The following LRRN1 variants were observed in gnomAD, a reference collection of about 807,000 sequenced individuals.
LRRN1 encodes leucine-rich repeat neuronal protein 1.
LRRN1 carries 14 observed loss-of-function variants against 45.8 expected under a neutral mutation model. That is an observed-to-expected ratio of 0.31 (90% confidence interval 0.20 to 0.48). The LOEUF (loss-of-function observed/expected upper bound fraction) is 0.48, where lower values mean the gene tolerates loss of function less well. LRRN1 is among the 20% of genes least tolerant of loss of function. The pLI is 0.99. For synonymous variants in LRRN1, 359 were observed against 330.1 expected, an observed-to-expected ratio of 1.09 and a Z score of -0.95; for missense variants, 789 against 874.2, an observed-to-expected ratio of 0.90 and a Z score of 1.23.
chr3:3,842,798 C>G (rs1429100264), intron 1 of LRRN1, among the ~76,000 whole-genome samples: 1 of 152,118 alleles, frequency 6.6e-6, no homozygotes, highest in Non-Finnish European at 1.5e-5. Context: ...AAGTGAATGG[C>G]CCAGTTTGGG....
intron 1 of LRRN1, among the ~76,000 whole-genome samples, chr3:3,838,658 T>C (rs1255169920): frequency 6.6e-6 from 1 of 152,180 alleles, no homozygotes; most frequent in Non-Finnish European, 1.5e-5. Context: ...TGAACAAGGG[T>C]TACAATTTCT....
chr3:3,815,964 T>C (rs1034406104), intron 1 of LRRN1, among the ~76,000 whole-genome samples: 64 of 152,164 alleles, frequency 4.2e-4, no homozygotes, highest in Non-Finnish European at 8.5e-4. Flanking sequence ...TATTGAAAGT[T>C]CAAAATGCAA....
At chr3:3,827,594 T>C (rs1476428118) in intron 1 of LRRN1, 2 of 439,030 alleles carry the variant, frequency 4.6e-6, no homozygotes, top group Non-Finnish European at 9.3e-6. Context: ...GGAAGCAAAT[T>C]TGAATCCTGC....
chr3:3,814,274 A>T lies in LRRN1; in HGVS notation c.-279+14355A>T, dbSNP rs1692942059. On this transcript the variant is annotated intron_variant, in intron 1 of 1. Coordinates refer to ENST00000319331, the MANE Select transcript of LRRN1 (RefSeq NM_020873.7). ...CTGATCCCATAGTTCCCCTGTAAAG[A>T]GGCATTAAATGGTCCCCCTGGCTAT... Among the ~76,000 whole-genome samples the T allele has an allele frequency of 2.0e-5, 3 of 149,996 alleles. No homozygotes were observed. The South Asian group carries it at 6.5e-4, about 32-fold the overall frequency.
In LRRN1 at chr3:3,845,715, A is replaced by G. The variant is rs1381304956; in HGVS notation, c.1074A>G (p.Glu358=). The change falls in exon 2 of 2, where the codon GAA becomes GAG. Residue 358 remains glutamate (E), a synonymous_variant. Coordinates refer to ENST00000319331, the MANE Select transcript of LRRN1 (RefSeq NM_020873.7). This position sits in a 1 kb window ranked among gnomAD's most constrained non-coding sequence, Gnocchi z 6.5. Reference sequence around the variant, plus strand: ...ATGCCATTTACCAAAAGACAGTCGAATCCCTCCCCAATCTGCGTGAGATCA... The same window carrying G: ...ATGCCATTTACCAAAAGACAGTCGAGTCCCTCCCCAATCTGCGTGAGATCA... ...ALNAIYQKTV[E]SLPNLREISI... is the part of the protein sequence containing the mutation. The G allele has an allele frequency of 6.2e-7, 1 of 1,614,050 alleles. No individual in the cohort carries two copies. Among genetic ancestry groups the G allele is most frequent in the Non-Finnish European group, 8.5e-7 (1 of 1,180,018 alleles).
intron 1 of LRRN1, among the ~76,000 whole-genome samples, chr3:3,837,008 A>G (rs1693534647): frequency 6.6e-6 from 1 of 152,110 alleles, no homozygotes; most frequent in South Asian, 2.1e-4. Context: ...TCCTGCACCC[A>G]TGGGAAGGAG....
chr3:3,843,576 C>A (rs187259860), intron 1 of LRRN1, among the ~76,000 whole-genome samples: 239 of 151,670 alleles, frequency 1.6e-3, no homozygotes, highest in African/African-American at 5.3e-3. Context: ...TGTACCCCCC[C>A]CCATACCCCT....
Position 3,799,553 on chromosome 3 carries a change from G to C in LRRN1, c.-645G>C, listed in dbSNP as rs956504379. ...AGGGGCCGACGGCGTCAGCCCGGGCGGCGGCATCCCTAGGCGCCTGGGGCG... is the reference window on the plus strand; with the variant it reads ...AGGGGCCGACGGCGTCAGCCCGGGCCGCGGCATCCCTAGGCGCCTGGGGCG... On this transcript the variant is annotated 5_prime_UTR_variant, in exon 1 of 2. Coordinates refer to ENST00000319331, the MANE Select transcript of LRRN1 (RefSeq NM_020873.7). 1.3e-5 allele frequency: 2 copies of C among 152,056 alleles called. No individual in the cohort carries two copies. The highest frequency in any genetic ancestry group is 2.9e-5 in the Non-Finnish European group (2 of 68,002). The allele number at this position is 152,056 out of a possible 1,614,324, so 9.4% of individuals were successfully genotyped here.
At chr3:3,824,478 A>G (rs1693173498) in intron 1 of LRRN1, among the ~76,000 whole-genome samples, 1 of 152,168 alleles carries the variant, frequency 6.6e-6, no homozygotes, top group African/African-American at 2.4e-5. Flanking sequence ...GATCAACATT[A>G]CAATCAATTT....
At chr3:3,839,848 A>G (rs961111438) in intron 1 of LRRN1, among the ~76,000 whole-genome samples, 1 of 152,108 alleles carries the variant, frequency 6.6e-6, no homozygotes, top group African/African-American at 2.4e-5. Flanking sequence ...CAAATTTGCT[A>G]ACATCATTTA....
chr3:3,849,137 T>C lies in LRRN1; in HGVS notation c.*2345T>C, dbSNP rs1693838246. On this transcript the variant is annotated 3_prime_UTR_variant, in exon 2 of 2. Coordinates refer to ENST00000319331, the MANE Select transcript of LRRN1 (RefSeq NM_020873.7). The stretch of plus-strand genomic sequence containing the variant: ...GCATTAGACCCTCAGCAGCCTGCAA[T>C]TGCAAATCTGCGAGGTTTCATTCGG... Among the ~76,000 whole-genome samples the C allele has an allele frequency of 6.6e-6, 1 of 152,198 alleles. No individual in the cohort carries two copies. Among genetic ancestry groups the C allele is most frequent in the East Asian group, 1.9e-4 (1 of 5,188 alleles).
At chr3:3,801,338 G>C (rs1419093293) in intron 1 of LRRN1, 1 of 152,232 alleles carries the variant, frequency 6.6e-6, no homozygotes, top group Non-Finnish European at 1.5e-5. Context: ...TGGCTTTTGC[G>C]TGGAGGATTT....
intron 1 of LRRN1, among the ~76,000 whole-genome samples, chr3:3,827,033 T>A (rs1313399670): frequency 6.6e-6 from 1 of 152,112 alleles, no homozygotes; most frequent in Admixed American, 6.6e-5. Flanking sequence ...TCAACACCCA[T>A]GAAAAAGACT....
chr3:3,801,180 G>A (rs906521728), intron 1 of LRRN1: 1 of 152,258 alleles, frequency 6.6e-6, no homozygotes, highest in African/African-American at 2.4e-5. Context: ...GACTGGCCGG[G>A]GTACAAATGG....
In LRRN1 at chr3:3,816,484, T is replaced by TA. The variant is rs1442247620; in HGVS notation, c.-279+16566dup. 5.3e-5 allele frequency among the ~76,000 whole-genome samples: 8 copies of TA among 152,244 alleles called. No individual in the cohort carries two copies. The South Asian group carries it at 1.7e-3, about 32-fold the overall frequency. On this transcript the variant is annotated intron_variant, in intron 1 of 1. Coordinates refer to ENST00000319331, the MANE Select transcript of LRRN1 (RefSeq NM_020873.7). The surrounding 1 kb of genome is among the most constrained non-coding windows in gnomAD (Gnocchi z 4.0). The stretch of plus-strand genomic sequence containing the variant: ...ATCCCCTCCACCCTCAGTCCACTTT[T>TA]AGAAGAAAAGGGAAGATTGGAAGAA...
rs550318532 is a variant in LRRN1, at chr3:3,845,894, C to G, written c.1253C>G (p.Ser418Trp). Residue 418 changes from serine to tryptophan, a missense_variant, in exon 2 of 2, where the codon TCG (serine) becomes TGG (tryptophan). By Grantham distance (177) the Ser-to-Trp change is radical. Coordinates refer to ENST00000319331, the MANE Select transcript of LRRN1 (RefSeq NM_020873.7). The surrounding 1 kb of genome is among the most constrained non-coding windows in gnomAD (Gnocchi z 6.5). ...HQVKEVLIQDSSEQCLPMISH... is the reference protein window; with the variant it reads ...HQVKEVLIQDWSEQCLPMISH... ...GTGAAGGAAGTTTTAATCCAGGATT[C>G]GAGTGAACAGTGCCTCCCAATGATA... is the stretch of plus-strand genomic sequence containing the variant. 17 of 1,614,046 alleles carry G rather than the reference C, an allele frequency of 1.1e-5. No homozygotes were observed. The African/African-American group carries it at 2.0e-4, about 19-fold the overall frequency.
At chr3:3,837,332 T>TCCCC (rs35514612) in intron 1 of LRRN1, among the ~76,000 whole-genome samples, 3 of 151,376 alleles carry the variant, frequency 2.0e-5, no homozygotes, top group Admixed American at 6.6e-5. Flanking sequence ...TATTACTCCT[T>TCCCC]CCCCCCCCCA....
intron 1 of LRRN1, among the ~76,000 whole-genome samples, chr3:3,834,822 T>C (rs543062071): frequency 1.3e-5 from 2 of 151,774 alleles, no homozygotes; most frequent in Admixed American, 6.6e-5. Context: ...TTTTTCTGCC[T>C]GCTTTATATT....
intron 1 of LRRN1, among the ~76,000 whole-genome samples, chr3:3,824,042 G>A (rs1351943688): frequency 1.3e-5 from 2 of 152,144 alleles, no homozygotes; most frequent in African/African-American, 4.8e-5. Flanking sequence ...TCCAGCCCCT[G>A]TACCGTGCTG....
Sources: allele counts gnomAD v4.1 joint callset (sites outside exome capture counted in the v4.1 genomes callset), GRCh38; gene constraint gnomAD v4.1.1; non-coding constraint Gnocchi (gnomAD v3.1); transcripts MANE v1.5; gene names NCBI Gene and HGNC (gene_info 2026-07-23, HGNC 2026-07-21).